GLYATL3: variants seen among roughly 807,000 people sequenced by gnomAD.
GLYATL3 encodes glycine N-acyltransferase-like protein 3.
In GLYATL3, 31 loss-of-function variants were observed where a neutral mutation model predicts 28.5. The ratio of observed to expected loss-of-function variants is 1.09; its 90% CI spans 0.82 to 1.47. GLYATL3 has a LOEUF of 1.47. Among genes scored for constraint, GLYATL3 ranks in the 40% most tolerant of loss-of-function variants. The probability of loss-of-function intolerance (pLI) is 0.00; values close to 1 mark genes in which losing one functional copy is unlikely to be tolerated. For missense variants in GLYATL3, 369 were observed against 351.5 expected (o/e 1.05, Z -0.40); for synonymous variants, 141 against 140.2 (o/e 1.01, Z -0.04).
Position 49,527,113 on chromosome 6 carries a change from A to C in GLYATL3, c.*199A>C, listed in dbSNP as rs1581875757. Reference sequence around the variant, plus strand: ...TCTCCAGTAAATAGCTGTGGGGGTGAAGAGTAGCTGTGGCTGAAGACTGAG... The same window carrying C: ...TCTCCAGTAAATAGCTGTGGGGGTGCAGAGTAGCTGTGGCTGAAGACTGAG... On this transcript the variant is annotated 3_prime_UTR_variant, in exon 6 of 6. Transcript: ENST00000371197. The C allele has an allele frequency of 1.1e-5, 6 of 540,508 alleles. No individual in the cohort carries two copies. The highest frequency in any genetic ancestry group is 5.8e-5 in the South Asian group (2 of 34,768). The allele number at this position is 540,508 out of a possible 1,614,324, so 33.5% of individuals were successfully genotyped here.
intron 5 of GLYATL3, among the ~76,000 whole-genome samples, chr6:49,525,575 A>G (rs1769396339): frequency 1.3e-5 from 2 of 148,430 alleles, no homozygotes; most frequent in African/African-American, 5.1e-5. Context: ...AAAAAAAAAA[A>G]AAAAAAAAAA....
Position 49,501,248 on chromosome 6 carries a change from A to T in GLYATL3, c.-29+1206A>T, listed in dbSNP as rs573481080. Among the ~76,000 whole-genome samples, 130 of 92,776 alleles carry T rather than the reference A, an allele frequency of 1.4e-3. 1 individual carries two copies. Among genetic ancestry groups the T allele is most frequent in the African/African-American group, 3.4e-3 (124 of 36,370 alleles). 60.9% of individuals were successfully genotyped at this position (92,776 alleles called of 152,430 possible). ...AACCCCCCATCTCTACTAAAAATAT[A>T]AAAAAAACTAGCCAGGCGTTGGTGG... is the stretch of plus-strand genomic sequence containing the variant. On this transcript the variant is annotated intron_variant, in intron 1 of 5. Transcript: ENST00000371197.
intron 1 of GLYATL3, among the ~76,000 whole-genome samples, chr6:49,504,572 AT>A (rs1413891344): frequency 6.6e-6 from 1 of 152,170 alleles, no homozygotes. Context: ...AATGTGAGCA[AT>A]GCAAAGTTTA....
At chr6:49,521,293 T>C (rs1769312118) in intron 4 of GLYATL3, among the ~76,000 whole-genome samples, 2 of 152,180 alleles carry the variant, frequency 1.3e-5, no homozygotes, top group Non-Finnish European at 1.5e-5. Flanking sequence ...TTTAGAGCTC[T>C]AAAATGTCAT....
Position 49,527,129 on chromosome 6 carries a change from G to A in GLYATL3, c.*215G>A, listed in dbSNP as rs1231427150. The A allele has an allele frequency of 3.9e-6, 2 of 513,700 alleles. No individual in the cohort carries two copies. The highest frequency in any genetic ancestry group is 3.4e-6 in the Non-Finnish European group (1 of 291,690). The allele number at this position is 513,700 out of a possible 1,614,324, so 31.8% of individuals were successfully genotyped here. A position where few individuals can be genotyped will look rare whatever the true frequency, so the allele number is the denominator to read the frequency against. ...GTGGGGGTGAAGAGTAGCTGTGGCT[G>A]AAGACTGAGGACGATTGTCCTCCTG... On this transcript the variant is annotated 3_prime_UTR_variant, in exon 6 of 6. Transcript: ENST00000371197.
intron 1 of GLYATL3, among the ~76,000 whole-genome samples, chr6:49,507,149 C>G (rs927874943): frequency 3.9e-5 from 6 of 152,058 alleles, no homozygotes; most frequent in Non-Finnish European, 7.4e-5. Context: ...TCTCCCTCAT[C>G]ATCAGAAGGA....
chr6:49,519,824 A>C (rs1038942960), intron 4 of GLYATL3, among the ~76,000 whole-genome samples: 1 of 152,224 alleles, frequency 6.6e-6, no homozygotes, highest in African/African-American at 2.4e-5. Context: ...AAACCCCTTT[A>C]GTTTGCCATA....
At chr6:49,508,792 G>A (rs1048507102) in intron 1 of GLYATL3, among the ~76,000 whole-genome samples, 2 of 152,070 alleles carry the variant, frequency 1.3e-5, no homozygotes, top group African/African-American at 4.8e-5. Context: ...CAATAATCAG[G>A]AGCATTTCAT....
chr6:49,513,292 C>T (rs1283208349), intron 2 of GLYATL3, among the ~76,000 whole-genome samples: 1 of 152,100 alleles, frequency 6.6e-6, no homozygotes, highest in Non-Finnish European at 1.5e-5. Flanking sequence ...CATAAGTTCT[C>T]ATCTCATTCC....
Position 49,521,753 on chromosome 6 carries a change from T to C in GLYATL3, c.422T>C (p.Leu141Pro). ...KAVHFSPVSS[L>P]PDTSFLKGPS... ...GTTCATTTTTCTCCTGTTTCATCTC[T>C]GCCAGATACCAGTTTCCTGTATGTA... The change falls in exon 5 of 6, where the codon CTG (leucine) becomes CCG (proline). Residue 141 changes from leucine (L) to proline (P), a missense_variant. By Grantham distance (98) the Leu-to-Pro change is moderately conservative. Coordinates refer to ENST00000371197, the MANE Select transcript of GLYATL3 (RefSeq NM_001010904.2). The C allele has an allele frequency of 6.4e-7, 1 of 1,551,508 alleles. No homozygotes were observed. The highest frequency in any genetic ancestry group is 8.7e-7 in the Non-Finnish European group (1 of 1,146,874).
intron 1 of GLYATL3, among the ~76,000 whole-genome samples, chr6:49,503,576 A>G (rs948563168): frequency 2.0e-5 from 3 of 152,262 alleles, no homozygotes; most frequent in African/African-American, 7.2e-5. Context: ...CATTAGTAAT[A>G]TGACCTTTAG....
At position 49,517,546 on chromosome 6, in the gene GLYATL3, T is replaced by A. The variant is rs1034002267; in HGVS notation, c.303T>A (p.Phe101Leu). 2 of 1,550,694 alleles carry A rather than the reference T, an allele frequency of 1.3e-6. No homozygotes were observed. Among genetic ancestry groups the A allele is most frequent in the African/African-American group, 2.7e-5 (2 of 73,000 alleles). The change falls in exon 4 of 6, where the codon TTT becomes TTA. Residue 101 changes from phenylalanine to leucine, a missense_variant. By Grantham distance (22) the Phe-to-Leu change is conservative. Coordinates refer to ENST00000371197, the MANE Select transcript of GLYATL3 (RefSeq NM_001010904.2). ...ATGTTTTTAACTGGGACCAAGTTTTTCAAATACAAGGTGAGGTCAAGTGCA... is the reference window on the plus strand; with the variant it reads ...ATGTTTTTAACTGGGACCAAGTTTTACAAATACAAGGTGAGGTCAAGTGCA... ...ECDVFNWDQV[F>L]QIQGLQSELY...
chr6:49,500,753 A>G (rs1260188127), intron 1 of GLYATL3, among the ~76,000 whole-genome samples: 1 of 152,224 alleles, frequency 6.6e-6, no homozygotes, highest in Non-Finnish European at 1.5e-5. Context: ...TATGGACAGT[A>G]CTAATCAAGT....
chr6:49,519,783 T>C (rs1029103735), intron 4 of GLYATL3, among the ~76,000 whole-genome samples: 11 of 152,228 alleles, frequency 7.2e-5, no homozygotes, highest in South Asian at 2.1e-4. Context: ...TATTAAATCA[T>C]GTTTAACCCA....
intron 4 of GLYATL3, among the ~76,000 whole-genome samples, 189 bp from the exon 5 acceptor site, chr6:49,521,456 C>T (rs944683242): frequency 1.1e-4 from 16 of 152,066 alleles, no homozygotes; most frequent in African/African-American, 2.7e-4. Flanking sequence ...GAATTTGAAA[C>T]GCCTACAAAA....
rs191014173 is a variant in GLYATL3 at position 49,508,598 on chromosome 6, T to C, written c.-28-3365T>C. Among the ~76,000 whole-genome samples the C allele has an allele frequency of 2.5e-3, 387 of 152,304 alleles. 1 individual carries two copies. The highest frequency in any genetic ancestry group is 4.6e-3 in the Non-Finnish European group (316 of 68,026). On this transcript the variant is annotated intron_variant, in intron 1 of 5. Coordinates refer to ENST00000371197, the MANE Select transcript of GLYATL3 (RefSeq NM_001010904.2). Reference sequence around the variant, plus strand: ...TTATAGGCTCTCCACAACGGTCGCATTCCTTTCCCAGAGCTATGAATATCT... The same window carrying C: ...TTATAGGCTCTCCACAACGGTCGCACTCCTTTCCCAGAGCTATGAATATCT...
intron 1 of GLYATL3, among the ~76,000 whole-genome samples, chr6:49,503,936 TGG>T (rs1344790274): frequency 6.6e-6 from 1 of 152,192 alleles, no homozygotes; most frequent in African/African-American, 2.4e-5. Context: ...TTCTGAAGGT[TGG>T]GCAGGACAAC....
intron 5 of GLYATL3, among the ~76,000 whole-genome samples, chr6:49,524,255 C>T (rs926942812): frequency 2.6e-5 from 4 of 152,086 alleles, no homozygotes; most frequent in African/African-American, 7.2e-5. Context: ...TAATTTTTTC[C>T]CCCTGCTTAG....
Position 49,521,638 on chromosome 6 carries a change from T to A in GLYATL3, c.314-7T>A. 6.5e-7 allele frequency: 1 copy of A among 1,545,392 alleles called. No homozygotes were observed. Among genetic ancestry groups the A allele is most frequent in the East Asian group, 2.4e-5 (1 of 40,874 alleles). ...CCACATATTAAATTATGTCTTTCTA[T>A]ACACAGGGCTGCAGAGTGAGTTATA... On this transcript the variant is annotated splice_polypyrimidine_tract_variant and splice_region_variant and intron_variant, in intron 4 of 5. Coordinates refer to ENST00000371197, the MANE Select transcript of GLYATL3 (RefSeq NM_001010904.2).
Sources: allele counts gnomAD v4.1 joint callset (sites outside exome capture counted in the v4.1 genomes callset), GRCh38; gene constraint gnomAD v4.1.1; transcripts MANE v1.5; gene names NCBI Gene and HGNC (gene_info 2026-07-23, HGNC 2026-07-21).